RUNX2: variants seen among roughly 807,000 people sequenced by gnomAD.
RUNX2 encodes runt-related transcription factor 2.
In RUNX2, 10 loss-of-function variants were observed where a neutral mutation model predicts 51.7. That is an observed-to-expected ratio of 0.19 (90% CI 0.12 to 0.33). RUNX2 has a LOEUF of 0.33. Ranked by LOEUF, RUNX2 falls within the 10% of genes least tolerant of loss-of-function variation. The probability of loss-of-function intolerance (pLI) is 1.00; values close to 1 mark genes in which losing one functional copy is unlikely to be tolerated. For missense variants in RUNX2, 562 were observed against 691.3 expected (o/e 0.81, Z 2.10); for synonymous variants, 276 against 273.6 (o/e 1.01, Z -0.09).
At chr6:45,509,409 C>T (rs1304887286) in intron 6 of RUNX2, among the ~76,000 whole-genome samples, 2 of 152,076 alleles carry the variant, frequency 1.3e-5, no homozygotes, top group Non-Finnish European at 2.9e-5. Flanking sequence ...TCATGTAATC[C>T]TCACAAAAAC....
At chr6:45,414,900 T>A (rs1482988000) in intron 2 of RUNX2, among the ~76,000 whole-genome samples, 1 of 152,100 alleles carries the variant, frequency 6.6e-6, no homozygotes, top group East Asian at 1.9e-4. Context: ...TCAGGACGAC[T>A]GTGGGAAGAA....
rs531813918 is a variant in RUNX2 at position 45,360,573 on chromosome 6, CT to C, written c.58+31792del. ...AAGTCAGATGAAGGGGGCACACATT[CT>C]TTCACAGCTCATATCTTCATAATAC... On this transcript the variant is annotated intron_variant, in intron 2 of 8. Transcript: ENST00000647337. 2.0e-4 allele frequency among the ~76,000 whole-genome samples: 30 copies of C among 152,308 alleles called. No homozygotes were observed. In the South Asian group the frequency reaches 5.0e-3, roughly 25 times the overall value.
chr6:45,486,430 T>C (rs1418940933), intron 5 of RUNX2, among the ~76,000 whole-genome samples: 3 of 152,228 alleles, frequency 2.0e-5, no homozygotes, highest in African/African-American at 7.2e-5. Flanking sequence ...ACTGCTTCCT[T>C]ATTGATGCTC....
At chr6:45,452,938 C>A (rs1432962997) in intron 5 of RUNX2, among the ~76,000 whole-genome samples, 1 of 152,188 alleles carries the variant, frequency 6.6e-6, no homozygotes, top group Non-Finnish European at 1.5e-5. Flanking sequence ...ACACTTTACC[C>A]TTCCAAAGCA....
intron 3 of RUNX2, among the ~76,000 whole-genome samples, chr6:45,426,833 A>AT (rs1393569534): frequency 6.6e-6 from 1 of 152,144 alleles, no homozygotes; most frequent in Admixed American, 6.5e-5. Flanking sequence ...ATCACTAGCC[A>AT]TTTTTCTCTC....
intron 2 of RUNX2, among the ~76,000 whole-genome samples, chr6:45,388,697 A>C (rs946953960): frequency 6.6e-6 from 1 of 152,192 alleles, no homozygotes; most frequent in Non-Finnish European, 1.5e-5. Context: ...TTACAAATAC[A>C]TTTATTTGGA....
chr6:45,486,060 A>G (rs376394278), intron 5 of RUNX2, among the ~76,000 whole-genome samples: 1 of 152,266 alleles, frequency 6.6e-6, no homozygotes, highest in South Asian at 2.1e-4. Flanking sequence ...AATATTGTAA[A>G]GCAAATACTG....
intron 2 of RUNX2, among the ~76,000 whole-genome samples, chr6:45,411,374 A>G (rs1217511440): frequency 6.6e-6 from 1 of 152,028 alleles, no homozygotes; most frequent in African/African-American, 2.4e-5. Flanking sequence ...TTTTTTTTCA[A>G]TTTTGTAATT....
In RUNX2 at chr6:45,491,161, C is replaced by T. The variant is rs9369564; in HGVS notation, c.686-780C>T. ...TAGAAGAGAGATAGAAAGGCTCCCC[C>T]CCTCCGCCAAATAATGGATTGTCAC... On this transcript the variant is annotated intron_variant, in intron 5 of 8. Transcript: ENST00000647337. Among the ~76,000 whole-genome samples the T allele has an allele frequency of 2.1e-3, 313 of 152,282 alleles. 2 individuals are homozygous for T. In the East Asian group the frequency reaches 0.034, roughly 17 times the overall value.
intron 2 of RUNX2, among the ~76,000 whole-genome samples, chr6:45,347,452 T>C (rs1048222797): frequency 6.6e-6 from 1 of 152,172 alleles, no homozygotes; most frequent in Non-Finnish European, 1.5e-5. Flanking sequence ...TGGCACATAA[T>C]GAACCCAAAA....
chr6:45,337,744 T>C (rs1331867807), intron 2 of RUNX2, among the ~76,000 whole-genome samples: 1 of 151,922 alleles, frequency 6.6e-6, no homozygotes, highest in East Asian at 1.9e-4. Flanking sequence ...AAAACAAATC[T>C]AAGACGCCCC....
chr6:45,411,644 T>C (rs570300754), intron 2 of RUNX2, among the ~76,000 whole-genome samples: 12 of 152,324 alleles, frequency 7.9e-5, no homozygotes, highest in African/African-American at 2.4e-4. Flanking sequence ...AAAAAAGATA[T>C]TTATTTTTGT....
rs138144059 is a variant in RUNX2 at position 45,350,144 on chromosome 6, T to G, written c.58+21360T>G. Among the ~76,000 whole-genome samples the G allele has an allele frequency of 6.6e-3, 1,005 of 152,280 alleles. 9 individuals carry two copies. The highest frequency in any genetic ancestry group is 0.01 in the Non-Finnish European group (703 of 68,018). ...ATTTCTGAGAAATGAGAAATAAAAT[T>G]GATATTTCTAATACAATTAGAATGT... On this transcript the variant is annotated intron_variant, in intron 2 of 8. Transcript: ENST00000647337.
At chr6:45,412,078 T>A (rs1191352998) in intron 2 of RUNX2, among the ~76,000 whole-genome samples, 1 of 151,502 alleles carries the variant, frequency 6.6e-6, no homozygotes, top group East Asian at 1.9e-4. Context: ...CTGGGCACAA[T>A]GGCTCACACC....
At chr6:45,425,776 T>A (rs929331360) in intron 3 of RUNX2, among the ~76,000 whole-genome samples, 2 of 152,104 alleles carry the variant, frequency 1.3e-5, no homozygotes, top group Admixed American at 6.5e-5. Flanking sequence ...TATGAAGAAG[T>A]CTCCCTTTTA....
At chr6:45,544,596 T>G (rs1802336537) in intron 7 of RUNX2, among the ~76,000 whole-genome samples, 1 of 152,168 alleles carries the variant, frequency 6.6e-6, no homozygotes, top group African/African-American at 2.4e-5. Flanking sequence ...CACGTTGGCG[T>G]TTTAAGTGCG....
At chr6:45,454,757 T>A (rs1198526688) in intron 5 of RUNX2, among the ~76,000 whole-genome samples, 1 of 152,214 alleles carries the variant, frequency 6.6e-6, no homozygotes, top group African/African-American at 2.4e-5. Flanking sequence ...CTATTCCTAC[T>A]TCTATTCCTG....
intron 5 of RUNX2, among the ~76,000 whole-genome samples, chr6:45,484,808 A>C (rs1800219472): frequency 6.6e-6 from 1 of 152,242 alleles, no homozygotes; most frequent in Non-Finnish European, 1.5e-5. Flanking sequence ...ACACTCCTTC[A>C]TGTAGCACTT....
At chr6:45,527,804 C>G (rs1801717438) in intron 7 of RUNX2, among the ~76,000 whole-genome samples, 1 of 152,100 alleles carries the variant, frequency 6.6e-6, no homozygotes, top group Middle Eastern at 3.2e-3. Flanking sequence ...GCTTTCCTTC[C>G]TTGGCACCAT....
Sources: allele counts gnomAD v4.1 joint callset (sites outside exome capture counted in the v4.1 genomes callset), GRCh38; gene constraint gnomAD v4.1.1; transcripts MANE v1.5; gene names NCBI Gene and HGNC (gene_info 2026-07-23, HGNC 2026-07-21).